Variants in VWA3B observed in about 807,000 individuals in gnomAD.
The protein encoded by VWA3B is von Willebrand factor A domain containing 3B.
Under a neutral mutation model 158.3 loss-of-function variants are expected in VWA3B, and 138 were observed. The ratio of observed to expected loss-of-function variants is 0.87; its 90% CI spans 0.76 to 1.00. VWA3B has a LOEUF of 1.00. Ranked by LOEUF, VWA3B falls within the 50% of genes least tolerant of loss-of-function variation. The pLI, the probability that VWA3B is intolerant of heterozygous loss-of-function variation, is 0.00. For missense variants in VWA3B, 1,555 were observed against 1,565.1 expected (o/e 0.99, Z 0.11); for synonymous variants, 596 against 587.3 (o/e 1.01, Z -0.21).
intron 19 of VWA3B, chr2:98,245,309 G>GC (rs1044505035): frequency 1.4e-5 from 4 of 279,542 alleles, no homozygotes; most frequent in Admixed American, 4.9e-5. Context: ...TCTTACAGAA[G>GC]CCGGGGGTGC....
intron 19 of VWA3B, among the ~76,000 whole-genome samples, chr2:98,244,254 T>C (rs557130170): frequency 2.0e-4 from 31 of 152,292 alleles, no homozygotes; most frequent in Middle Eastern, 3.4e-3. Context: ...TTCCTCCCAA[T>C]TGGGGGCAGT....
At chr2:98,187,915 C>A in intron 9 of VWA3B, 60 bp from the exon 10 acceptor site, 1 of 1,498,132 alleles carries the variant, frequency 6.7e-7, no homozygotes, top group African/African-American at 1.4e-5. Context: ...AAGGTGCCAT[C>A]TGGAGGCTCT....
At chr2:98,255,328 G>A (rs113526099) in intron 20 of VWA3B, among the ~76,000 whole-genome samples, 5,907 of 150,186 alleles carry the variant, frequency 0.039, 175 homozygotes, top group Middle Eastern at 0.075. Context: ...CACTGCACCC[G>A]GCTGGAAGCA....
intron 7 of VWA3B, among the ~76,000 whole-genome samples, chr2:98,161,244 C>A (rs1678550218): frequency 6.6e-6 from 1 of 152,242 alleles, no homozygotes; most frequent in East Asian, 1.9e-4. Context: ...GATACACTCC[C>A]TTGCTCCTTA....
At chr2:98,263,771 T>C (rs994053752) in intron 21 of VWA3B, among the ~76,000 whole-genome samples, 3 of 151,984 alleles carry the variant, frequency 2.0e-5, no homozygotes, top group Admixed American at 6.6e-5. Context: ...GTTAGGAGCA[T>C]TTCTCCCTTT....
intron 26 of VWA3B, among the ~76,000 whole-genome samples, chr2:98,307,382 C>T (rs1459462257): frequency 1.3e-5 from 2 of 152,194 alleles, no homozygotes; most frequent in Admixed American, 6.5e-5. Flanking sequence ...CAACTTAGAA[C>T]TTTTTTAAAG....
Position 98,308,460 on chromosome 2 carries a change from T to C in VWA3B, c.3522-3359T>C, listed in dbSNP as rs554162940. The stretch of plus-strand genomic sequence containing the variant: ...ATAACTGCCTCCATTTGAGAACATA[T>C]GTGTAGTTTCTCCCATGTGGTCCTT... On this transcript the variant is annotated intron_variant, in intron 26 of 27. Coordinates refer to ENST00000477737, the MANE Select transcript of VWA3B (RefSeq NM_144992.5). 4.3e-4 allele frequency among the ~76,000 whole-genome samples: 65 copies of C among 152,366 alleles called. No homozygotes were observed. The East Asian group carries it at 5.2e-3, about 12-fold the overall frequency.
chr2:98,279,435 T>C (rs1688739145), intron 22 of VWA3B, among the ~76,000 whole-genome samples: 1 of 152,160 alleles, frequency 6.6e-6, no homozygotes, highest in Non-Finnish European at 1.5e-5. Context: ...CAACCATGAA[T>C]TCTACCCAAG....
At chr2:98,281,189 A>G (rs934191882) in intron 22 of VWA3B, among the ~76,000 whole-genome samples, 1 of 152,322 alleles carries the variant, frequency 6.6e-6, no homozygotes, top group East Asian at 1.9e-4. Context: ...AAATCCCTCT[A>G]AATCTAAATG....
At chr2:98,098,348 A>C (rs906227844) in intron 2 of VWA3B, among the ~76,000 whole-genome samples, 2 of 152,120 alleles carry the variant, frequency 1.3e-5, no homozygotes, top group Non-Finnish European at 2.9e-5. Flanking sequence ...ATTGCATTTT[A>C]GTCTATCTCT....
Position 98,311,999 on chromosome 2 carries a change from T to C in VWA3B, c.3702T>C (p.His1234=). The change falls in exon 27 of 28, where the codon CAT becomes CAC. Residue 1234 remains histidine (H), a synonymous_variant. Transcript: ENST00000477737. ...GCTCCTCCCACGGCATCAGCTCCCA[T>C]GGGTCCTGCCAGGGGACACACCCCG... ...SDGSSHGISS[H]GSCQGTHPEP... The C allele has an allele frequency of 1.9e-6, 3 of 1,603,038 alleles. No homozygotes were observed. Among genetic ancestry groups the C allele is most frequent in the Non-Finnish European group, 2.6e-6 (3 of 1,174,726 alleles).
chr2:98,109,790 T>C (rs1673995830), intron 2 of VWA3B, among the ~76,000 whole-genome samples: 1 of 151,524 alleles, frequency 6.6e-6, no homozygotes, highest in Non-Finnish European at 1.5e-5. Flanking sequence ...GGGTTGATAG[T>C]TCTTTTTTTT....
At chr2:98,250,553 T>A (rs944158164) in intron 20 of VWA3B, 117 bp downstream of exon 20, 19 of 857,268 alleles carry the variant, frequency 2.2e-5, no homozygotes, top group Middle Eastern at 3.5e-4. Context: ...TATTTAAAAA[T>A]TGTTCAGGCT....
chr2:98,288,632 G>A (rs532668895), intron 22 of VWA3B, among the ~76,000 whole-genome samples: 16 of 151,992 alleles, frequency 1.1e-4, no homozygotes, highest in South Asian at 4.2e-4. Context: ...CATATAGTTC[G>A]CTATTTTATG....
intron 21 of VWA3B, among the ~76,000 whole-genome samples, chr2:98,257,462 C>A (rs1574215769): frequency 6.6e-6 from 1 of 151,978 alleles, no homozygotes; most frequent in South Asian, 2.1e-4. Flanking sequence ...GATTTACTAT[C>A]TTTGGATAAA....
At chr2:98,180,973 T>A (rs1300228394) in intron 8 of VWA3B, 43 bp from the exon 9 acceptor site, 1 of 1,589,042 alleles carries the variant, frequency 6.3e-7, no homozygotes, top group Non-Finnish European at 8.6e-7. Flanking sequence ...GTAATATGAA[T>A]GGCTCATGCA....
chr2:98,288,122 G>A (rs750669785), intron 22 of VWA3B, among the ~76,000 whole-genome samples: 1 of 152,132 alleles, frequency 6.6e-6, no homozygotes, highest in African/African-American at 2.4e-5. Context: ...CCCAATTTGG[G>A]ACTCTATTGA....
intron 7 of VWA3B, among the ~76,000 whole-genome samples, chr2:98,137,093 C>A (rs964292836): frequency 2.0e-5 from 3 of 152,174 alleles, no homozygotes; most frequent in Non-Finnish European, 2.9e-5. Flanking sequence ...CTGTTGGGAA[C>A]AATGTTATGA....
At chr2:98,227,669 G>C (rs1685023162) in intron 14 of VWA3B, among the ~76,000 whole-genome samples, 1 of 152,176 alleles carries the variant, frequency 6.6e-6, no homozygotes, top group African/African-American at 2.4e-5. Context: ...GATTCCATTT[G>C]TATAAAATTC....
Sources: allele counts gnomAD v4.1 joint callset (sites outside exome capture counted in the v4.1 genomes callset), GRCh38; gene constraint gnomAD v4.1.1; transcripts MANE v1.5; gene names NCBI Gene and HGNC (gene_info 2026-07-23, HGNC 2026-07-21).